Variants in CCDC102B observed in about 807,000 individuals in gnomAD.
CCDC102B encodes coiled-coil domain containing 102B.
In CCDC102B, 75 loss-of-function variants were observed where a neutral mutation model predicts 57.4. The observed-to-expected ratio is 1.31, with a 90% CI of 1.08 to 1.58. The LOEUF (loss-of-function observed/expected upper bound fraction) is 1.58, where lower values mean the gene tolerates loss of function less well. Among genes scored for constraint, CCDC102B ranks in the 40% most tolerant of loss-of-function variants. The pLI is 0.00. For synonymous variants in CCDC102B, 206 were observed against 201.9 expected (o/e 1.02, Z -0.17); for missense variants, 636 against 582.6 (o/e 1.09, Z -0.94).
chr18:68,835,181 C>A (rs970093387), intron 1 of CCDC102B, among the ~76,000 whole-genome samples: 14 of 151,930 alleles, frequency 9.2e-5, no homozygotes, highest in Admixed American at 8.5e-4. Flanking sequence ...ATATGGTATA[C>A]CTTTACAAAT....
At chr18:68,818,501 G>T (rs1469151575) in intron 1 of CCDC102B, among the ~76,000 whole-genome samples, 1 of 152,124 alleles carries the variant, frequency 6.6e-6, no homozygotes, top group Non-Finnish European at 1.5e-5. Context: ...ATAGAATATT[G>T]TTGGCATTCT....
At chr18:68,780,503 TCA>T (rs1456968534) in intron 2 of CCDC102B, among the ~76,000 whole-genome samples, 1 of 151,982 alleles carries the variant, frequency 6.6e-6, no homozygotes, top group African/African-American at 2.4e-5. Flanking sequence ...AAAAGTTTAT[TCA>T]CAGACACTAA....
Position 68,745,844 on chromosome 18 carries a change from T to C in CCDC102B, c.-67+29250T>C, listed in dbSNP as rs553629820. On this transcript the variant is annotated intron_variant, in intron 2 of 3. Coordinates refer to the CCDC102B transcript ENST00000578970. ...TGAGAACATGTGCTATTTATCTTTC[T>C]GTTCCTGGCTTATTTCATTAACATA... is the stretch of plus-strand genomic sequence containing the variant. Among the ~76,000 whole-genome samples the C allele has an allele frequency of 3.3e-5, 5 of 152,320 alleles. No homozygotes were observed. The East Asian group carries it at 7.7e-4, about 24-fold the overall frequency.
chr18:68,905,784 C>CTTTTTTTTTTTTTTTTTT (rs35808828), intron 6 of CCDC102B, among the ~76,000 whole-genome samples: 2 of 70,438 alleles, frequency 2.8e-5, no homozygotes, highest in East Asian at 5.5e-4. Context: ...TTATGTCTGG[C>CTTTTTTTTTTTTTTTTTT]TTTTTTTTTT....
In CCDC102B at chr18:69,031,768, G is replaced by A. The variant is rs563130970; in HGVS notation, c.1434+20664G>A. Among the ~76,000 whole-genome samples the A allele has an allele frequency of 7.2e-4, 110 of 152,190 alleles. No individual in the cohort carries two copies. The South Asian group carries it at 0.014, about 19-fold the overall frequency. ...TAGATTATCACCTGTGTAGACAGCC[G>A]ATGGTGTGGCAGGTGGTGTCTTAAT... On this transcript the variant is annotated intron_variant, in intron 7 of 7. Transcript: ENST00000360242.
intron 2 of CCDC102B, among the ~76,000 whole-genome samples, chr18:68,751,838 A>G (rs1021019825): frequency 1.3e-5 from 2 of 152,226 alleles, no homozygotes; most frequent in African/African-American, 4.8e-5. Context: ...GAACCTATGA[A>G]GGACATCAAT....
chr18:68,876,014 G>GA (rs1251796686), intron 5 of CCDC102B, among the ~76,000 whole-genome samples: 3 of 152,070 alleles, frequency 2.0e-5, no homozygotes, highest in Admixed American at 6.6e-5. Flanking sequence ...AAGTCAAAGG[G>GA]AAAAATTGGT....
Position 68,837,073 on chromosome 18 carries a change from G to A in CCDC102B, c.310G>A (p.Glu104Lys), listed in dbSNP as rs1219480907. Reference sequence around the variant, plus strand: ...GTCGGACTGCACTGCCAACTGGAGAGAAAAATGGAGTAAAGTTCGAGCTGA... The same window carrying A: ...GTCGGACTGCACTGCCAACTGGAGAAAAAAATGGAGTAAAGTTCGAGCTGA... The part of the protein sequence containing the change: ...WWSDCTANWR[E>K]KWSKVRAERN... Residue 104 changes from glutamate (E) to lysine (K), a missense_variant, in exon 2 of 8, where the codon GAA becomes AAA. Glu to Lys is a moderately conservative substitution (Grantham distance 56). Transcript: ENST00000360242. 5 of 1,614,144 alleles carry A rather than the reference G, an allele frequency of 3.1e-6. No individual in the cohort carries two copies. The highest frequency in any genetic ancestry group is 3.4e-6 in the Non-Finnish European group (4 of 1,180,022).
chr18:68,892,098 GA>G lies in CCDC102B; in HGVS notation c.1054-5117del, dbSNP rs2040099956. Among the ~76,000 whole-genome samples, 10 of 152,284 alleles carry G rather than the reference GA, an allele frequency of 6.6e-5. No homozygotes were observed. The South Asian group carries it at 2.1e-3, about 32-fold the overall frequency. Reference sequence around the variant, plus strand: ...AATCCAAGCTTTTGGGTAGGAGGATGAAAATCAATTTGTCTTATGATTCTTT... The same window carrying G: ...AATCCAAGCTTTTGGGTAGGAGGATGAAATCAATTTGTCTTATGATTCTTT... On this transcript the variant is annotated intron_variant, in intron 5 of 7. Transcript: ENST00000360242.
At chr18:68,741,345 C>T (rs1330033807) in intron 2 of CCDC102B, among the ~76,000 whole-genome samples, 1 of 152,154 alleles carries the variant, frequency 6.6e-6, no homozygotes, top group African/African-American at 2.4e-5. Context: ...CAATGGCATG[C>T]ACCTTTCCCA....
chr18:68,837,074 A>AAAAAATGG lies in CCDC102B; in HGVS notation c.315_316insATGGAAAA (p.Trp106MetfsTer23). 6.2e-7 allele frequency: 1 copy of AAAAAATGG among 1,614,174 alleles called. No homozygotes were observed. The highest frequency in any genetic ancestry group is 8.5e-7 in the Non-Finnish European group (1 of 1,180,024). ...TCGGACTGCACTGCCAACTGGAGAG[A>AAAAAATGG]AAAATGGAGTAAAGTTCGAGCTGAA... On this transcript the variant is annotated frameshift_variant, in exon 2 of 8. Transcript: ENST00000360242. LOFTEE classifies it high-confidence loss of function.
At chr18:69,052,816 A>C (rs2052742372) in intron 7 of CCDC102B, among the ~76,000 whole-genome samples, 1 of 151,920 alleles carries the variant, frequency 6.6e-6, no homozygotes, top group African/African-American at 2.4e-5. Flanking sequence ...TCTGTACTGA[A>C]CATGTACAGA....
At chr18:68,788,864 C>T (rs1471500362) in intron 2 of CCDC102B, among the ~76,000 whole-genome samples, 2 of 152,036 alleles carry the variant, frequency 1.3e-5, no homozygotes, top group African/African-American at 4.8e-5. Flanking sequence ...GAATTTGATC[C>T]TGTCATTATG....
chr18:68,830,774 C>A (rs1465675697), intron 1 of CCDC102B, among the ~76,000 whole-genome samples: 1 of 151,698 alleles, frequency 6.6e-6, no homozygotes, highest in East Asian at 1.9e-4. Flanking sequence ...TTTCTTGAAC[C>A]TGCTTGGCAT....
At chr18:68,790,701 G>A (rs534148290) in intron 2 of CCDC102B, among the ~76,000 whole-genome samples, 3 of 152,216 alleles carry the variant, frequency 2.0e-5, no homozygotes, top group Non-Finnish European at 2.9e-5. Context: ...TGCACGGTGC[G>A]CGCACCCACT....
intron 1 of CCDC102B, among the ~76,000 whole-genome samples, chr18:68,832,384 G>A (rs1165193691): frequency 6.6e-6 from 1 of 152,118 alleles, no homozygotes; most frequent in Non-Finnish European, 1.5e-5. Context: ...TTGTTAGTTT[G>A]GTTTATTGTT....
intron 6 of CCDC102B, among the ~76,000 whole-genome samples, chr18:69,006,874 G>A (rs1599838257): frequency 6.6e-6 from 1 of 152,146 alleles, no homozygotes; most frequent in Non-Finnish European, 1.5e-5. Flanking sequence ...CAAGGTGAAC[G>A]CCAGCTCTGT....
rs958473234 is a variant in CCDC102B at position 68,800,962 on chromosome 18, C to CT, written c.-16+2789dup. 1.3e-5 allele frequency among the ~76,000 whole-genome samples: 2 copies of CT among 151,824 alleles called. 1 individual carries two copies. Among genetic ancestry groups the CT allele is most frequent in the African/African-American group, 4.8e-5 (2 of 41,402 alleles). ...CTGGGATAACATTCATTTTCTTCTTCTTTTTTTTCAATGAAATAAAAATTA... is the reference window on the plus strand; with the variant it reads ...CTGGGATAACATTCATTTTCTTCTTCTTTTTTTTTCAATGAAATAAAAATTA... On this transcript the variant is annotated intron_variant, in intron 1 of 7. Transcript: ENST00000360242.
chr18:68,783,529 T>C lies in CCDC102B; in HGVS notation c.-66-39837T>C, dbSNP rs539386725. Among the ~76,000 whole-genome samples the C allele has an allele frequency of 1.5e-4, 23 of 152,320 alleles. No homozygotes were observed. In the East Asian group the frequency reaches 4.2e-3, roughly 28 times the overall value. On this transcript the variant is annotated intron_variant, in intron 2 of 3. Coordinates refer to the CCDC102B transcript ENST00000578970. ...GCAGGCAATGCATTGATAATCCTGATGGTTTATACCTCATTGGTTTGGGTT... is the reference window on the plus strand; with the variant it reads ...GCAGGCAATGCATTGATAATCCTGACGGTTTATACCTCATTGGTTTGGGTT...
Sources: allele counts gnomAD v4.1 joint callset (sites outside exome capture counted in the v4.1 genomes callset), GRCh38; gene constraint gnomAD v4.1.1; transcripts MANE v1.5; gene names NCBI Gene and HGNC (gene_info 2026-07-23, HGNC 2026-07-21).